Variants in MAU2 observed in about 807,000 individuals in gnomAD.
MAU2 encodes the protein MAU2 sister chromatid cohesion factor.
MAU2 carries 9 observed loss-of-function variants against 89.1 expected under a neutral mutation model. The observed-to-expected ratio is 0.10, with a 90% CI of 0.06 to 0.18. MAU2 has a LOEUF of 0.18. Ranked by LOEUF, MAU2 falls within the 10% of genes least tolerant of loss-of-function variation. The probability of loss-of-function intolerance (pLI) is 1.00; values close to 1 mark genes in which losing one functional copy is unlikely to be tolerated. For missense variants in MAU2, 425 were observed against 803.5 expected (o/e 0.53, Z 5.69); for synonymous variants, 357 against 343.4 (o/e 1.04, Z -0.44).
In MAU2 at chr19:19,357,178, C is replaced by A. The variant is rs1010200076; in HGVS notation, c.*1396C>A. ...TAGCCACAGGCAGGGCTGTCAATAACCCCCTTCCTCACTGGCCACCACCTG... is the reference window on the plus strand; with the variant it reads ...TAGCCACAGGCAGGGCTGTCAATAAACCCCTTCCTCACTGGCCACCACCTG... On this transcript the variant is annotated 3_prime_UTR_variant, in exon 19 of 19. Coordinates refer to ENST00000262815, the MANE Select transcript of MAU2 (RefSeq NM_015329.4). The A allele has an allele frequency of 2.0e-5, 3 of 152,352 alleles. No homozygotes were observed. The highest frequency in any genetic ancestry group is 7.2e-5 in the African/African-American group (3 of 41,414). 9.4% of individuals were successfully genotyped at this position (152,352 alleles called of 1,614,324 possible).
chr19:19,321,254 G>C, intron 1 of MAU2, 119 bp downstream of exon 1: 1 of 1,233,146 alleles, frequency 8.1e-7, no homozygotes, highest in African/African-American at 1.6e-5. Flanking sequence ...CGCGACCTCC[G>C]TCAAAGCCGC....
chr19:19,342,970 C>G, intron 9 of MAU2, 104 bp downstream of exon 9: 1 of 1,213,826 alleles, frequency 8.2e-7, no homozygotes, highest in South Asian at 1.2e-5. Context: ...GTGACCGCAG[C>G]GCCCAGCCAC....
In MAU2 at chr19:19,356,073, C is replaced by T. The variant is rs948157902; in HGVS notation, c.*291C>T. 7 of 580,548 alleles carry T rather than the reference C, an allele frequency of 1.2e-5. No homozygotes were observed. Among genetic ancestry groups the T allele is most frequent in the East Asian group, 1.2e-4 (3 of 25,984 alleles). 36.0% of individuals were successfully genotyped at this position (580,548 alleles called of 1,614,324 possible). A position where few individuals can be genotyped will look rare whatever the true frequency, so the allele number is the denominator to read the frequency against. On this transcript the variant is annotated 3_prime_UTR_variant, in exon 19 of 19. Coordinates refer to ENST00000262815, the MANE Select transcript of MAU2 (RefSeq NM_015329.4). ...CAGTCCTGCCTCAGCATCTGGGTCA[C>T]GTCGGCCAGGAGTAGGGTGCAGGCC...
chr19:19,332,143 C>G (rs1200953726), intron 1 of MAU2, among the ~76,000 whole-genome samples: 2 of 152,168 alleles, frequency 1.3e-5, no homozygotes, highest in African/African-American at 2.4e-5. Flanking sequence ...GCAGCCACAA[C>G]TTTAAAGTCA....
At chr19:19,349,463 C>T (rs1333819208) in intron 16 of MAU2, 27 bp downstream of exon 16, 1 of 1,597,384 alleles carries the variant, frequency 6.3e-7, no homozygotes, top group South Asian at 1.1e-5. Context: ...GGGCCCCTCG[C>T]TTGGGTGCCT....
intron 1 of MAU2, among the ~76,000 whole-genome samples, chr19:19,335,362 G>A (rs960461214): frequency 2.6e-5 from 4 of 152,082 alleles, no homozygotes; most frequent in African/African-American, 7.2e-5. Context: ...CCCTACTTCC[G>A]TGTGACACCT....
intron 1 of MAU2, among the ~76,000 whole-genome samples, chr19:19,330,802 GAGCC>G (rs2061549666): frequency 6.6e-6 from 1 of 152,148 alleles, no homozygotes; most frequent in Non-Finnish European, 1.5e-5. Flanking sequence ...TTGGGAGACC[GAGCC>G]AGGAGGATCT....
intron 1 of MAU2, chr19:19,321,378 C>T (rs1005759938): frequency 6.4e-6 from 3 of 468,554 alleles, no homozygotes; most frequent in Admixed American, 8.6e-5. Flanking sequence ...CCAGGAGCCC[C>T]GTCACCGTAC....
intron 1 of MAU2, among the ~76,000 whole-genome samples, chr19:19,329,990 A>AT (rs1345551834): frequency 1.3e-5 from 2 of 149,414 alleles, no homozygotes; most frequent in Non-Finnish European, 3.0e-5. Flanking sequence ...TTTATTTTTT[A>AT]TTTTTTTGAG....
intron 1 of MAU2, among the ~76,000 whole-genome samples, chr19:19,328,021 G>A (rs867195480): frequency 7.2e-5 from 11 of 151,976 alleles, no homozygotes; most frequent in African/African-American, 1.9e-4. Flanking sequence ...TAGCGGGCCC[G>A]TGGTGGCTCA....
chr19:19,342,264 G>C (rs2061655829), intron 7 of MAU2, among the ~76,000 whole-genome samples: 2 of 152,194 alleles, frequency 1.3e-5, no homozygotes, highest in African/African-American at 4.8e-5. Context: ...AGCAGGGTCT[G>C]GATAGGCCTC....
chr19:19,321,323 A>G (rs543692912), intron 1 of MAU2, among the ~76,000 whole-genome samples, 188 bp downstream of exon 1: 84 of 152,220 alleles, frequency 5.5e-4, no homozygotes, highest in Non-Finnish European at 9.4e-4. Flanking sequence ...GGGACACGAA[A>G]GCCTCGCCCC....
chr19:19,341,596 C>T (rs2061647340), intron 7 of MAU2, among the ~76,000 whole-genome samples, 189 bp downstream of exon 7: 1 of 152,226 alleles, frequency 6.6e-6, no homozygotes, highest in Non-Finnish European at 1.5e-5. Context: ...TATCTGGGAA[C>T]AGGGTCTGTC....
Position 19,321,041 on chromosome 19 carries a change from A to T in MAU2, c.182A>T (p.Gln61Leu). 6.2e-7 allele frequency: 1 copy of T among 1,612,886 alleles called. No homozygotes were observed. Among genetic ancestry groups the T allele is most frequent in the Non-Finnish European group, 8.5e-7 (1 of 1,179,514 alleles). The change falls in exon 1 of 19, where the codon CAG becomes CTG. Residue 61 changes from glutamine to leucine, a missense_variant. Physicochemically the swap from Gln to Leu is moderately radical, Grantham distance 113. Coordinates refer to ENST00000262815, the MANE Select transcript of MAU2 (RefSeq NM_015329.4). ...GCCGTGTTCCCCTTCAAGCCGCCGCAGCGCATCGAGGCCCGTACACACCTG... is the reference window on the plus strand; with the variant it reads ...GCCGTGTTCCCCTTCAAGCCGCCGCTGCGCATCGAGGCCCGTACACACCTG... ...LQAVFPFKPPQRIEARTHLQL... is the reference protein window; with the variant it reads ...LQAVFPFKPPLRIEARTHLQL...
At chr19:19,324,039 G>A (rs561063995) in intron 1 of MAU2, among the ~76,000 whole-genome samples, 74 of 152,224 alleles carry the variant, frequency 4.9e-4, no homozygotes, top group Middle Eastern at 3.4e-3. Context: ...CCCTATTTTT[G>A]GTGCCGGGGG....
At chr19:19,349,720 G>C (rs1004777479) in intron 16 of MAU2, among the ~76,000 whole-genome samples, 1 of 152,174 alleles carries the variant, frequency 6.6e-6, no homozygotes, top group African/African-American at 2.4e-5. Context: ...AGAACCAAAG[G>C]AGCTGCCCTG....
At chr19:19,346,871 C>T (rs1204056450) in intron 12 of MAU2, 2 of 165,024 alleles carry the variant, frequency 1.2e-5, no homozygotes, top group African/African-American at 4.8e-5. Flanking sequence ...CCCCACTTCC[C>T]CCTATGAAGA....
At chr19:19,322,405 C>T (rs545297425) in intron 1 of MAU2, among the ~76,000 whole-genome samples, 3 of 152,152 alleles carry the variant, frequency 2.0e-5, no homozygotes, top group Non-Finnish European at 4.4e-5. Flanking sequence ...TTGAGACCAG[C>T]CTGGGCAACA....
rs2061685508 is a variant in MAU2, at chr19:19,345,451, C to G, written c.1221+82C>G. ...CGGGCGTGGTCTGTGATGAGGACAG[C>G]AGTCGCGCTAGGTCAGCTATGCAAA... On this transcript the variant is annotated intron_variant, in intron 12 of 18. Transcript: ENST00000262815. The surrounding 1 kb of genome is among the most constrained non-coding windows in gnomAD (Gnocchi z 4.9). 6 of 1,360,984 alleles carry G rather than the reference C, an allele frequency of 4.4e-6. No individual in the cohort carries two copies. The highest frequency in any genetic ancestry group is 6.2e-6 in the Non-Finnish European group (6 of 960,902). The allele number at this position is 1,360,984 out of a possible 1,614,324, so 84.3% of individuals were successfully genotyped here.
Sources: allele counts gnomAD v4.1 joint callset (sites outside exome capture counted in the v4.1 genomes callset), GRCh38; gene constraint gnomAD v4.1.1; non-coding constraint Gnocchi (gnomAD v3.1); transcripts MANE v1.5; gene names NCBI Gene and HGNC (gene_info 2026-07-23, HGNC 2026-07-21).